FYB1: variants seen among roughly 807,000 people sequenced by gnomAD.
FYB1 encodes FYN binding protein 1.
FYB1 carries 41 observed loss-of-function variants against 94.1 expected under a neutral mutation model. The observed-to-expected ratio is 0.44, with a 90% CI of 0.34 to 0.57. The LOEUF is 0.57. Ranked by LOEUF, FYB1 falls within the 20% of genes least tolerant of loss-of-function variation. The probability of loss-of-function intolerance (pLI) is 0.02; values close to 1 mark genes in which losing one functional copy is unlikely to be tolerated. For synonymous variants in FYB1, 367 were observed against 353.2 expected (o/e 1.04, Z -0.44); for missense variants, 1,050 against 976.8 (o/e 1.07, Z -1.00).
At chr5:39,265,013 C>T (rs1446430860) in intron 1 of FYB1, among the ~76,000 whole-genome samples, 5 of 152,166 alleles carry the variant, frequency 3.3e-5, no homozygotes, top group South Asian at 2.1e-4. Flanking sequence ...GGACCAGCAG[C>T]GTCAGCCTCA....
intron 1 of FYB1, among the ~76,000 whole-genome samples, chr5:39,243,341 T>A (rs1338866769): frequency 1.3e-5 from 2 of 151,744 alleles, no homozygotes; most frequent in Non-Finnish European, 1.5e-5. Flanking sequence ...AGGGATCCAG[T>A]TTCAGCTTTC....
At chr5:39,165,755 A>G (rs537603774) in intron 2 of FYB1, among the ~76,000 whole-genome samples, 1 of 152,364 alleles carries the variant, frequency 6.6e-6, no homozygotes, top group South Asian at 2.1e-4. Flanking sequence ...AAGGACTCAT[A>G]TCCAGAATCT....
At chr5:39,235,018 G>A (rs1349373085) in intron 1 of FYB1, among the ~76,000 whole-genome samples, 1 of 150,848 alleles carries the variant, frequency 6.6e-6, no homozygotes, top group African/African-American at 2.4e-5. Flanking sequence ...TAACAAACTT[G>A]CACCTTCTGC....
rs1030781994 is a variant in FYB1, at chr5:39,110,845, C to T, written c.2402-456G>A. 33 of 327,504 alleles carry T rather than the reference C, an allele frequency of 1.0e-4. 1 individual carries two copies. The highest frequency in any genetic ancestry group is 7.2e-4 in the African/African-American group (32 of 44,288). 20.3% of individuals were successfully genotyped at this position (327,504 alleles called of 1,614,324 possible). On this transcript the variant is annotated intron_variant, in intron 16 of 18. Coordinates refer to ENST00000512982, the MANE Select transcript of FYB1 (RefSeq NM_001465.6). ...TATTGAGCAGAGAGAGAACTGTATT[C>T]AACTCCCCTTTCAGATCCCAGCCAG... is the stretch of plus-strand genomic sequence containing the variant.
At chr5:39,152,346 T>A (rs2150357264) in intron 3 of FYB1, among the ~76,000 whole-genome samples, 1 of 152,332 alleles carries the variant, frequency 6.6e-6, no homozygotes, top group East Asian at 1.9e-4. Flanking sequence ...TAAATTGTAG[T>A]CATCAAGCAT....
intron 2 of FYB1, among the ~76,000 whole-genome samples, chr5:39,171,833 G>A (rs1478519241): frequency 6.6e-6 from 1 of 152,142 alleles, no homozygotes; most frequent in Non-Finnish European, 1.5e-5. Flanking sequence ...GCATACGTGG[G>A]CCAAACATTT....
intron 18 of FYB1, 60 bp downstream of exon 18, chr5:39,108,171 T>C: frequency 1.4e-6 from 2 of 1,421,980 alleles, no homozygotes; most frequent in South Asian, 1.3e-5. Flanking sequence ...ATTTTTAGCA[T>C]TTATAAAAAC....
chr5:39,139,453 A>G (rs1309852541), intron 4 of FYB1: 1 of 380,474 alleles, frequency 2.6e-6, no homozygotes, highest in Non-Finnish European at 4.5e-6. Flanking sequence ...TGACTTAATT[A>G]TAAAATCATT....
At chr5:39,167,143 G>GA in intron 2 of FYB1, among the ~76,000 whole-genome samples, 1 of 151,902 alleles carries the variant, frequency 6.6e-6, no homozygotes, top group Non-Finnish European at 1.5e-5. Context: ...GACACAGAAG[G>GA]AAAAAAATAT....
At chr5:39,205,376 C>T (rs1748751474) in intron 1 of FYB1, among the ~76,000 whole-genome samples, 2 of 152,102 alleles carry the variant, frequency 1.3e-5, no homozygotes, top group South Asian at 4.1e-4. Flanking sequence ...AATGTGTAGC[C>T]ATAGGACTGT....
chr5:39,170,326 C>T, intron 2 of FYB1: 1 of 1,344,704 alleles, frequency 7.4e-7, no homozygotes, highest in Non-Finnish European at 1.0e-6. Flanking sequence ...ATCAACAAAC[C>T]AAGACATGAT....
chr5:39,170,141 A>G, intron 2 of FYB1: 4 of 779,924 alleles, frequency 5.1e-6, no homozygotes, highest in Non-Finnish European at 2.3e-6. Flanking sequence ...GATGAAGTAT[A>G]AGTAGCTACA....
Position 39,267,861 on chromosome 5 carries a change from C to A in FYB1, c.-28+6542G>T, listed in dbSNP as rs1752497594. Reference sequence around the variant, plus strand: ...TACTTTGCTAGGAATTCTGTCAATGCAAAATAATCAGACAAAGTATATAAA... The same window carrying A: ...TACTTTGCTAGGAATTCTGTCAATGAAAAATAATCAGACAAAGTATATAAA... On this transcript the variant is annotated intron_variant, in intron 1 of 1. Coordinates refer to the FYB1 transcript ENST00000510188. Among the ~76,000 whole-genome samples, 5 of 152,036 alleles carry A rather than the reference C, an allele frequency of 3.3e-5. No homozygotes were observed. In the South Asian group the frequency reaches 1.0e-3, roughly 31 times the overall value.
At chr5:39,165,863 GA>G (rs1207117119) in intron 2 of FYB1, among the ~76,000 whole-genome samples, 3 of 152,098 alleles carry the variant, frequency 2.0e-5, no homozygotes, top group African/African-American at 7.2e-5. Context: ...TGGCCAACAA[GA>G]ATATGAAAAA....
chr5:39,167,150 A>G (rs531120460), intron 2 of FYB1, among the ~76,000 whole-genome samples: 20 of 152,186 alleles, frequency 1.3e-4, no homozygotes, highest in Non-Finnish European at 2.1e-4. Flanking sequence ...AAGGAAAAAA[A>G]TATAAAAGCC....
chr5:39,152,116 A>G (rs1480060954), intron 3 of FYB1, among the ~76,000 whole-genome samples: 2 of 152,200 alleles, frequency 1.3e-5, no homozygotes, highest in Non-Finnish European at 2.9e-5. Context: ...GCTGGATATC[A>G]TGGAGGATTA....
At chr5:39,212,891 T>G (rs770358000) in intron 1 of FYB1, 5 of 152,194 alleles carry the variant, frequency 3.3e-5, no homozygotes, top group Non-Finnish European at 7.4e-5. Flanking sequence ...CATTTTCTTC[T>G]GAGTGTTCTA....
upstream of FYB1, among the ~76,000 whole-genome samples, chr5:39,220,930 C>T (rs72736545): frequency 3.7e-3 from 563 of 152,292 alleles, 2 homozygotes; most frequent in Middle Eastern, 0.02. Context: ...ATGATGATGA[C>T]AACAATGATG....
intron 2 of FYB1, among the ~76,000 whole-genome samples, chr5:39,153,995 AG>A (rs1332717868): frequency 6.6e-6 from 1 of 152,120 alleles, no homozygotes; most frequent in Non-Finnish European, 1.5e-5. Flanking sequence ...TATGTCACCC[AG>A]GCTGGTTTTG....
Sources: gnomAD v4.1 joint callset for allele counts (sites outside exome capture counted in the v4.1 genomes callset) on GRCh38, gnomAD v4.1.1 for gene constraint, MANE v1.5 for transcripts, NCBI Gene and HGNC (gene_info 2026-07-23, HGNC 2026-07-21) for gene names.